The following B4GALT1 variants were observed in gnomAD, a reference collection of about 807,000 sequenced individuals.
B4GALT1 encodes beta-1,4-galactosyltransferase 1.
Under a neutral mutation model 34.9 loss-of-function variants are expected in B4GALT1, and 16 were observed. That is an observed-to-expected ratio of 0.46 (90% confidence interval 0.31 to 0.70). The LOEUF is 0.70. Among genes scored for constraint, B4GALT1 ranks in the 30% least tolerant of loss-of-function variants. B4GALT1 has a pLI of 0.05. For missense variants in B4GALT1, 445 were observed against 530.5 expected (o/e 0.84, Z 1.58); for synonymous variants, 221 against 218.1 (o/e 1.01, Z -0.12).
intron 2 of B4GALT1, among the ~76,000 whole-genome samples, chr9:33,133,274 G>C (rs1439218156): frequency 6.6e-6 from 1 of 152,208 alleles, no homozygotes; most frequent in Non-Finnish European, 1.5e-5. Context: ...AGGCAGATTT[G>C]TGGGATGCTA....
chr9:33,156,244 C>T (rs1587748694), intron 1 of B4GALT1, among the ~76,000 whole-genome samples: 1 of 152,172 alleles, frequency 6.6e-6, no homozygotes, highest in East Asian at 1.9e-4. Flanking sequence ...AGCCATTCTC[C>T]CACCTCAGCC....
At chr9:33,132,038 GAAA>G (rs1840200303) in intron 2 of B4GALT1, among the ~76,000 whole-genome samples, 1 of 150,760 alleles carries the variant, frequency 6.6e-6, no homozygotes, top group Non-Finnish European at 1.5e-5. Context: ...GGAAGTGGGA[GAAA>G]AAGCAGAAAA....
intron 2 of B4GALT1, among the ~76,000 whole-genome samples, chr9:33,126,904 G>A (rs1228457157): frequency 6.6e-6 from 1 of 152,156 alleles, no homozygotes; most frequent in East Asian, 1.9e-4. Flanking sequence ...GAGCCCAACA[G>A]GGATTCTGGG....
At chr9:33,177,651 CA>C in the B4GALT1 span, among the ~76,000 whole-genome samples, 1 of 152,116 alleles carries the variant, frequency 6.6e-6, no homozygotes, top group African/African-American at 2.4e-5. Context: ...TATTGCTATG[CA>C]AAACAAACAA....
chr9:33,148,435 C>G (rs1401805465), intron 1 of B4GALT1, among the ~76,000 whole-genome samples: 1 of 152,140 alleles, frequency 6.6e-6, no homozygotes, highest in Admixed American at 6.5e-5. Flanking sequence ...GTCTGGCACC[C>G]CTGAATCAAC....
At chr9:33,115,484 G>A (rs1839925778) in intron 4 of B4GALT1, among the ~76,000 whole-genome samples, 1 of 152,228 alleles carries the variant, frequency 6.6e-6, no homozygotes, top group African/African-American at 2.4e-5. Context: ...CCAGGATGTG[G>A]ATGGGACAGA....
At chr9:33,183,714 G>A in the B4GALT1 span, among the ~76,000 whole-genome samples, 22 of 150,654 alleles carry the variant, frequency 1.5e-4, no homozygotes, top group African/African-American at 3.4e-4. Context: ...GCGCACCAGC[G>A]TGGCACATGT....
At chr9:33,176,095 G>A in the B4GALT1 span, among the ~76,000 whole-genome samples, 10 of 152,278 alleles carry the variant, frequency 6.6e-5, no homozygotes, top group East Asian at 1.5e-3. Context: ...TGCTCCAGGG[G>A]CAGGGAATGT....
rs1043993927 is a variant in B4GALT1, at chr9:33,167,256, C to T, written c.-87G>A. 16 of 1,416,836 alleles carry T rather than the reference C, an allele frequency of 1.1e-5. No individual in the cohort carries two copies. The highest frequency in any genetic ancestry group is 1.5e-5 in the Non-Finnish European group (16 of 1,087,500). 87.8% of individuals were successfully genotyped at this position (1,416,836 alleles called of 1,614,324 possible). ...CCGCCCGCCAGGCGCTGCCCCACAG[C>T]GGCGACTAGGGGAGGGCCCGGAGCG... On this transcript the variant is annotated 5_prime_UTR_variant, in exon 1 of 6. Transcript: ENST00000379731.
chr9:33,122,485 C>T (rs555121560), intron 2 of B4GALT1, among the ~76,000 whole-genome samples: 4 of 151,498 alleles, frequency 2.6e-5, no homozygotes, highest in East Asian at 2.0e-4. Context: ...CCAGCCTGGG[C>T]GGCAGAGTGA....
At chr9:33,156,122 T>C (rs562884721) in intron 1 of B4GALT1, among the ~76,000 whole-genome samples, 2 of 144,116 alleles carry the variant, frequency 1.4e-5, no homozygotes, top group African/African-American at 5.1e-5. Context: ...ATCTGTAAAC[T>C]TTTTTTTTTT....
At chr9:33,168,621 C>G (rs1033195216), upstream of B4GALT1, among the ~76,000 whole-genome samples, 1 of 152,224 alleles carries the variant, frequency 6.6e-6, no homozygotes, top group Non-Finnish European at 1.5e-5. Context: ...TTCCTGGACA[C>G]CAGGTCCTTC....
intron 1 of B4GALT1, among the ~76,000 whole-genome samples, chr9:33,158,628 T>C (rs771235139): frequency 1.3e-5 from 2 of 152,164 alleles, no homozygotes; most frequent in Admixed American, 6.5e-5. Flanking sequence ...AGGGAGACTG[T>C]TCAAACATAC....
the B4GALT1 span, among the ~76,000 whole-genome samples, chr9:33,173,896 A>G: frequency 6.6e-6 from 1 of 152,220 alleles, no homozygotes; most frequent in Non-Finnish European, 1.5e-5. Context: ...AAATATGGAA[A>G]AATTTGAGAA....
intron 1 of B4GALT1, among the ~76,000 whole-genome samples, chr9:33,156,714 T>C (rs1840598714): frequency 6.6e-6 from 1 of 152,228 alleles, no homozygotes; most frequent in East Asian, 1.9e-4. Flanking sequence ...ATGAGTTAAA[T>C]GATCAGGCGC....
At chr9:33,166,715 G>T in intron 1 of B4GALT1, 43 bp downstream of exon 1, 1 of 1,478,120 alleles carries the variant, frequency 6.8e-7, no homozygotes, top group South Asian at 1.4e-5. Context: ...GGGAAATCCG[G>T]GGGGGTCCCA....
intron 1 of B4GALT1, among the ~76,000 whole-genome samples, chr9:33,159,974 T>C (rs190518568): frequency 5.6e-4 from 85 of 152,364 alleles, no homozygotes; most frequent in African/African-American, 1.9e-3. Flanking sequence ...CCTAAGAGCC[T>C]ATCCTGCAGC....
intron 1 of B4GALT1, among the ~76,000 whole-genome samples, chr9:33,157,701 A>T (rs1384084054): frequency 7.0e-6 from 1 of 143,174 alleles, no homozygotes; most frequent in African/African-American, 2.5e-5. Flanking sequence ...TAACATGGTA[A>T]CATTGTATTT....
chr9:33,118,364 A>T (rs1412327094), intron 3 of B4GALT1, among the ~76,000 whole-genome samples: 1 of 152,180 alleles, frequency 6.6e-6, no homozygotes, highest in East Asian at 1.9e-4. Context: ...GTCTGACAGA[A>T]AGCTGTTGCA....
Sources: allele counts gnomAD v4.1 joint callset (sites outside exome capture counted in the v4.1 genomes callset), GRCh38; gene constraint gnomAD v4.1.1; transcripts MANE v1.5; gene names NCBI Gene and HGNC (gene_info 2026-07-23, HGNC 2026-07-21).